Variants in DMXL2 observed in about 807,000 individuals in gnomAD.
DMXL2 encodes the protein dmX-like protein 2.
A neutral mutation model predicts 331.1 loss-of-function variants in DMXL2; 103 were observed. The ratio of observed to expected loss-of-function variants is 0.31; its 90% CI spans 0.27 to 0.37. The LOEUF (loss-of-function observed/expected upper bound fraction) is 0.37. Among genes scored for constraint, DMXL2 ranks in the 10% least tolerant of loss-of-function variants. The pLI, the probability that DMXL2 is intolerant of heterozygous loss-of-function variation, is 1.00. For synonymous variants in DMXL2, 1,281 were observed against 1,252.1 expected (o/e 1.02, Z -0.49); for missense variants, 3,171 against 3,642.9 (o/e 0.87, Z 3.33).
intron 3 of DMXL2, among the ~76,000 whole-genome samples, chr15:51,566,168 C>T (rs1452865664): frequency 6.6e-6 from 1 of 151,898 alleles, no homozygotes; most frequent in Non-Finnish European, 1.5e-5. Flanking sequence ...ATGATGATCA[C>T]ACCACTGTAT....
At chr15:51,566,557 A>G (rs1241949291) in intron 3 of DMXL2, among the ~76,000 whole-genome samples, 1 of 152,190 alleles carries the variant, frequency 6.6e-6, no homozygotes, top group Non-Finnish European at 1.5e-5. Context: ...CTAAATGTTT[A>G]GTATGTGCTC....
chr15:51,480,199 G>T, intron 24 of DMXL2, 60 bp from the exon 25 acceptor site: 1 of 1,408,266 alleles, frequency 7.1e-7, no homozygotes, highest in South Asian at 1.6e-5. Context: ...TCAGTTCTCT[G>T]ACAGAAATAC....
intron 13 of DMXL2, among the ~76,000 whole-genome samples, chr15:51,522,427 T>G (rs1370267064): frequency 2.0e-5 from 3 of 152,138 alleles, no homozygotes; most frequent in African/African-American, 7.2e-5. Flanking sequence ...GCTGGCTCAC[T>G]TGAGGTCAGC....
At chr15:51,497,056 T>TA (rs1304967133) in intron 18 of DMXL2, among the ~76,000 whole-genome samples, 1 of 152,214 alleles carries the variant, frequency 6.6e-6, no homozygotes, top group Non-Finnish European at 1.5e-5. Context: ...CCTACTTTCT[T>TA]AATGTCCCAC....
intron 15 of DMXL2, among the ~76,000 whole-genome samples, chr15:51,507,790 T>C (rs953162523): frequency 1.3e-5 from 2 of 151,240 alleles, no homozygotes; most frequent in African/African-American, 4.9e-5. Context: ...TCATCCTGCT[T>C]TTCTTGCATG....
In DMXL2 at chr15:51,498,887, G is replaced by A. The variant is rs1004132883; in HGVS notation, c.4337C>T (p.Ser1446Leu). ...AADQDTSYRI[S>L]EESTKIPQSY... ...CTGTGGTATCTTTGTACTTTCTTCT[G>A]AAATTCTGTAGGATGTATCTTGATC... Residue 1446 changes from serine to leucine, a missense_variant, in exon 18 of 44, where the codon TCA (serine) becomes TTA (leucine). Transcript: ENST00000560891. The A allele has an allele frequency of 1.9e-6, 3 of 1,613,938 alleles. No individual in the cohort carries two copies. Among genetic ancestry groups the A allele is most frequent in the African/African-American group, 2.7e-5 (2 of 74,904 alleles).
In DMXL2 at chr15:51,481,213, G is replaced by A; in HGVS notation, c.5893C>T (p.Pro1965Ser). 1 of 1,613,886 alleles carries A rather than the reference G, an allele frequency of 6.2e-7. No individual in the cohort carries two copies. The highest frequency in any genetic ancestry group is 8.5e-7 in the Non-Finnish European group (1 of 1,179,904). ...VTSSQYDWSQ[P>S]IVKVDEEPLN... ...GGTTCCTCATCAACTTTTACTATTG[G>A]CTGACTCCAGTCATACTGTGATGAA... Residue 1965 changes from proline (P) to serine (S), a missense_variant, in exon 24 of 44, where the codon CCA becomes TCA. Pro to Ser is a moderately conservative substitution (Grantham distance 74). Around this residue, in one of 7 missense-constraint regions of DMXL2, gnomAD observed 244 missense variants for 251.4 expected, o/e 0.97. Transcript: ENST00000560891.
chr15:51,539,518 G>A (rs1235093572), intron 9 of DMXL2, among the ~76,000 whole-genome samples: 3 of 152,078 alleles, frequency 2.0e-5, no homozygotes, highest in Non-Finnish European at 1.5e-5. Flanking sequence ...ATGTAAGAGA[G>A]TATAAATTGG....
At chr15:51,490,668 C>T (rs1159453777) in intron 20 of DMXL2, among the ~76,000 whole-genome samples, 2 of 152,100 alleles carry the variant, frequency 1.3e-5, no homozygotes, top group East Asian at 1.9e-4. Context: ...TAGAACATAA[C>T]ATGGAATTAT....
intron 1 of DMXL2, among the ~76,000 whole-genome samples, chr15:51,607,361 CAGA>C: frequency 6.6e-6 from 1 of 152,132 alleles, no homozygotes; most frequent in East Asian, 1.9e-4. Context: ...GAGGCTGAGG[CAGA>C]AGAATGGCTC....
chr15:51,538,465 A>G lies in DMXL2; in HGVS notation c.1106-13T>C. ...ACATTTGGAATATCTGTGGAAATAA[A>G]AGAGATTTCAATATAATTTTTTTTA... is the stretch of plus-strand genomic sequence containing the variant. On this transcript the variant is annotated splice_polypyrimidine_tract_variant and intron_variant, in intron 9 of 43. Coordinates refer to ENST00000560891, the MANE Select transcript of DMXL2 (RefSeq NM_001378457.1). The G allele has an allele frequency of 6.4e-7, 1 of 1,558,046 alleles. No homozygotes were observed. Among genetic ancestry groups the G allele is most frequent in the Non-Finnish European group, 8.7e-7 (1 of 1,154,096 alleles).
chr15:51,553,296 T>C (rs1229642999), intron 6 of DMXL2, among the ~76,000 whole-genome samples: 2 of 152,178 alleles, frequency 1.3e-5, no homozygotes, highest in Non-Finnish European at 2.9e-5. Flanking sequence ...GCTAAACATG[T>C]GAATGAAGGT....
intron 1 of DMXL2, among the ~76,000 whole-genome samples, chr15:51,591,354 T>C (rs1356141304): frequency 6.6e-6 from 1 of 152,088 alleles, no homozygotes; most frequent in Non-Finnish European, 1.5e-5. Flanking sequence ...CAGTCTGAGA[T>C]CAAACTGCAA....
At chr15:51,457,250 C>T in intron 37 of DMXL2, 78 bp downstream of exon 37, 1 of 1,451,540 alleles carries the variant, frequency 6.9e-7, no homozygotes, top group East Asian at 2.4e-5. Context: ...AATTTAGGAT[C>T]ATTCCTATGT....
chr15:51,543,502 C>A (rs1425413387), intron 8 of DMXL2, among the ~76,000 whole-genome samples: 1 of 152,158 alleles, frequency 6.6e-6, no homozygotes, highest in Admixed American at 6.5e-5. Flanking sequence ...CATTAGAGAA[C>A]CCCTGGTCAA....
At chr15:51,468,799 T>TCC (rs1446496170) in intron 29 of DMXL2, among the ~76,000 whole-genome samples, 6 of 152,220 alleles carry the variant, frequency 3.9e-5, no homozygotes, top group African/African-American at 1.4e-4. Context: ...AATCCTGTAC[T>TCC]CCCTCTTCCT....
At chr15:51,604,401 C>CA (rs75104531) in intron 1 of DMXL2, among the ~76,000 whole-genome samples, 108 of 128,842 alleles carry the variant, frequency 8.4e-4, no homozygotes, top group East Asian at 7.6e-3. Context: ...AAGAGATTTA[C>CA]AAAAAAAAAA....
intron 2 of DMXL2, among the ~76,000 whole-genome samples, chr15:51,570,442 A>C (rs978134778): frequency 5.3e-5 from 8 of 152,206 alleles, no homozygotes; most frequent in African/African-American, 1.2e-4. Context: ...AATACAGAGA[A>C]CACCACAAAG....
At chr15:51,566,244 T>G (rs201379427) in intron 3 of DMXL2, among the ~76,000 whole-genome samples, 2 of 39,688 alleles carry the variant, frequency 5.0e-5, no homozygotes, top group African/African-American at 7.9e-5. Flanking sequence ...TGTGTGTGTG[T>G]GTGTGTGTGT....
Sources: allele counts gnomAD v4.1 joint callset (sites outside exome capture counted in the v4.1 genomes callset), GRCh38; gene constraint gnomAD v4.1.1; regional missense constraint gnomAD v4.1.1; transcripts MANE v1.5; gene names NCBI Gene and HGNC (gene_info 2026-07-23, HGNC 2026-07-21).